NFX1: variants seen among roughly 807,000 people sequenced by gnomAD.
The protein encoded by NFX1 is transcriptional repressor NF-X1.
Under a neutral mutation model 137.2 loss-of-function variants are expected in NFX1, and 69 were observed. That is an observed-to-expected ratio of 0.50 (90% CI 0.41 to 0.61). The LOEUF (loss-of-function observed/expected upper bound fraction) is 0.61, where lower values mean the gene tolerates loss of function less well. Among genes scored for constraint, NFX1 ranks in the 20% least tolerant of loss-of-function variants. NFX1 has a pLI of 0.00. For missense variants in NFX1, 1,167 were observed against 1,391.0 expected (o/e 0.84, Z 2.56); for synonymous variants, 495 against 474.1 (o/e 1.04, Z -0.57).
In NFX1 at chr9:33,369,889, CTTTG is replaced by C. The variant is rs776694702; in HGVS notation, c.3291-9_3291-6del. 3.2e-5 allele frequency: 52 copies of C among 1,602,674 alleles called. No individual in the cohort carries two copies. Among genetic ancestry groups the C allele is most frequent in the South Asian group, 2.1e-4 (19 of 90,642 alleles). The stretch of plus-strand genomic sequence containing the variant: ...CCCAAAGAAGAAAAGACTGATCATT[CTTTG>C]TTTGTTTTTCAGGAATCCTGGGAGC... On this transcript the variant is annotated splice_polypyrimidine_tract_variant and intron_variant, in intron 23 of 23. Transcript: ENST00000379540.
intron 6 of NFX1, among the ~76,000 whole-genome samples, chr9:33,313,232 C>G (rs1822027839): frequency 6.6e-6 from 1 of 151,976 alleles, no homozygotes; most frequent in South Asian, 2.1e-4. Flanking sequence ...CCTTCAGTTC[C>G]TCACCACTCA....
At chr9:33,344,764 G>A (rs1441907636) in intron 14 of NFX1, among the ~76,000 whole-genome samples, 1 of 151,984 alleles carries the variant, frequency 6.6e-6, no homozygotes, top group South Asian at 2.1e-4. Context: ...TACTCGGGAG[G>A]CTGAGGCAGG....
intron 19 of NFX1, among the ~76,000 whole-genome samples, chr9:33,357,054 A>G (rs1179970229): frequency 6.7e-6 from 1 of 149,864 alleles, no homozygotes; most frequent in Non-Finnish European, 1.5e-5. Flanking sequence ...GGTGGTGCCT[A>G]TAATCCCAGC....
Position 33,358,066 on chromosome 9 carries a change from C to T in NFX1, c.2873+3174C>T, listed in dbSNP as rs148923754. On this transcript the variant is annotated intron_variant, in intron 19 of 23. Coordinates refer to ENST00000379540, the MANE Select transcript of NFX1 (RefSeq NM_002504.6). ...TCTATATATAAATTTTGTATTCTTT[C>T]AGTAGATTTGTTTCTTGCTTTTTGA... is the stretch of plus-strand genomic sequence containing the variant. Among the ~76,000 whole-genome samples the T allele has an allele frequency of 5.8e-4, 88 of 152,088 alleles. 1 individual carries two copies. The East Asian group carries it at 0.016, about 28-fold the overall frequency.
chr9:33,331,058 C>T (rs996317282), intron 10 of NFX1, among the ~76,000 whole-genome samples: 7 of 151,562 alleles, frequency 4.6e-5, no homozygotes, highest in African/African-American at 9.7e-5. Context: ...CCCAGCTACT[C>T]GGGAGGCTGA....
chr9:33,299,340 T>A (rs1356140100), intron 2 of NFX1, among the ~76,000 whole-genome samples: 2 of 152,220 alleles, frequency 1.3e-5, no homozygotes, highest in Non-Finnish European at 2.9e-5. Flanking sequence ...AGTTTCTTCA[T>A]CTTTCCTTTT....
At chr9:33,334,513 T>C (rs575421585) in intron 11 of NFX1, among the ~76,000 whole-genome samples, 6 of 152,128 alleles carry the variant, frequency 3.9e-5, no homozygotes, top group African/African-American at 1.4e-4. Context: ...ATTAATACAC[T>C]TATGAAGTTT....
chr9:33,328,714 A>G (rs897823015), intron 10 of NFX1, 36 bp downstream of exon 10: 18 of 1,510,874 alleles, frequency 1.2e-5, no homozygotes, highest in East Asian at 2.3e-5. Flanking sequence ...GTTGCCATCA[A>G]TGTTTTCTTT....
At chr9:33,308,041 G>C (rs1821823296) in intron 5 of NFX1, among the ~76,000 whole-genome samples, 1 of 152,038 alleles carries the variant, frequency 6.6e-6, no homozygotes, top group Non-Finnish European at 1.5e-5. Context: ...CTGGGCTCAA[G>C]CAATCTGCTC....
At chr9:33,328,733 G>T (rs993852962) in intron 10 of NFX1, 55 bp downstream of exon 10, 1 of 1,392,414 alleles carries the variant, frequency 7.2e-7, no homozygotes. Flanking sequence ...TTAAAATGGT[G>T]ATTATGGGAG....
At chr9:33,339,370 C>T (rs569227201) in intron 12 of NFX1, among the ~76,000 whole-genome samples, 2 of 152,244 alleles carry the variant, frequency 1.3e-5, no homozygotes, top group African/African-American at 4.8e-5. Context: ...AGGAAATGGC[C>T]TTAGAAAGCC....
intron 11 of NFX1, 61 bp from the exon 12 acceptor site, chr9:33,338,449 G>A: frequency 7.3e-7 from 1 of 1,364,298 alleles, no homozygotes; most frequent in Non-Finnish European, 1.0e-6. Flanking sequence ...TCAAATATTT[G>A]TTGTATGAAT....
In NFX1 at chr9:33,307,183, A is replaced by G. The variant is rs777785376; in HGVS notation, c.1271-11A>G. ...TTTGTACCATTGACTCTCTGATCTG[A>G]TATGTTCTAGGCAAGGTAAAGAATC... On this transcript the variant is annotated splice_polypyrimidine_tract_variant and intron_variant, in intron 4 of 23. Transcript: ENST00000379540. 1 of 1,610,600 alleles carries G rather than the reference A, an allele frequency of 6.2e-7. No homozygotes were observed. The highest frequency in any genetic ancestry group is 1.1e-5 in the South Asian group (1 of 90,882).
rs76655712 is a variant in NFX1, at chr9:33,332,076, C to T, written c.2005-396C>T. On this transcript the variant is annotated intron_variant, in intron 10 of 23. Transcript: ENST00000379540. Reference sequence around the variant, plus strand: ...CCCTGCATTAAATGGTACAGATTGTCATCTGTTTTCAATTCTTATATCTGC... The same window carrying T: ...CCCTGCATTAAATGGTACAGATTGTTATCTGTTTTCAATTCTTATATCTGC... 8.4e-3 allele frequency among the ~76,000 whole-genome samples: 1,278 copies of T among 152,236 alleles called. 23 individuals are homozygous for T. Among genetic ancestry groups the T allele is most frequent in the African/African-American group, 0.029 (1,201 of 41,524 alleles).
rs779078004 is a variant in NFX1 at position 33,294,596 on chromosome 9, G to A, written c.202G>A (p.Val68Ile). The A allele has an allele frequency of 1.9e-6, 3 of 1,614,128 alleles. No homozygotes were observed. The highest frequency in any genetic ancestry group is 2.2e-5 in the South Asian group (2 of 91,078). Reference sequence around the variant, plus strand: ...GGTCCCTTATGATGAAATCTCTGCTGTTCATCAGCATAGTTATCATCCGTC... The same window carrying A: ...GGTCCCTTATGATGAAATCTCTGCTATTCATCAGCATAGTTATCATCCGTC... ...RQVPYDEISA[V>I]HQHSYHPSGS... is the part of the protein sequence containing the mutation. The change falls in exon 2 of 24, where the codon GTT (valine) becomes ATT (isoleucine). Residue 68 changes from valine to isoleucine, a missense_variant. Physicochemically the swap from Val to Ile is conservative, Grantham distance 29. Around this residue, in one of 3 missense-constraint regions of NFX1, gnomAD observed 367 missense variants for 386.7 expected, o/e 0.95. Transcript: ENST00000379540.
At chr9:33,292,503 G>C (rs2118141300) in intron 1 of NFX1, among the ~76,000 whole-genome samples, 1 of 152,310 alleles carries the variant, frequency 6.6e-6, no homozygotes, top group Middle Eastern at 3.4e-3. Flanking sequence ...GGTACCACTT[G>C]TATTCTAGCC....
chr9:33,339,813 G>A lies in NFX1; in HGVS notation c.2115+1224G>A, dbSNP rs534742714. ...GGGGCTACAGGCCCCATGCAAGTCCGAAATTCAGTGGGGCAGTCAAATCTT... is the reference window on the plus strand; with the variant it reads ...GGGGCTACAGGCCCCATGCAAGTCCAAAATTCAGTGGGGCAGTCAAATCTT... On this transcript the variant is annotated intron_variant, in intron 12 of 23. Transcript: ENST00000379540. Among the ~76,000 whole-genome samples the A allele has an allele frequency of 3.9e-4, 60 of 152,342 alleles. 1 individual carries two copies. Among genetic ancestry groups the A allele is most frequent in the African/African-American group, 1.4e-3 (57 of 41,586 alleles).
intron 5 of NFX1, among the ~76,000 whole-genome samples, chr9:33,310,823 G>C (rs558647485): frequency 1.3e-5 from 2 of 152,258 alleles, no homozygotes; most frequent in African/African-American, 4.8e-5. Context: ...GACTGTATTT[G>C]AAAATGTCAT....
chr9:33,351,687 C>T lies in NFX1; in HGVS notation c.2552C>T (p.Pro851Leu). The T allele has an allele frequency of 6.2e-7, 1 of 1,614,058 alleles. No homozygotes were observed. The highest frequency in any genetic ancestry group is 1.3e-5 in the African/African-American group (1 of 75,014). ...AAAGGGGAGTGTCTTGTGGATGAGC[C>T]CTGCAAGCAGCCCTGCACCACCCCC... ...CHKGECLVDE[P>L]CKQPCTTPRA... Residue 851 changes from proline (P) to leucine (L), a missense_variant, in exon 16 of 24, where the codon CCC becomes CTC. Around this residue, in one of 3 missense-constraint regions of NFX1, gnomAD observed 488 missense variants for 691.5 expected, o/e 0.71. Transcript: ENST00000379540.
Sources: gnomAD v4.1 joint callset for allele counts (sites outside exome capture counted in the v4.1 genomes callset) on GRCh38, gnomAD v4.1.1 for gene constraint, gnomAD v4.1.1 regional missense constraint, MANE v1.5 for transcripts, NCBI Gene and HGNC (gene_info 2026-07-23, HGNC 2026-07-21) for gene names.